The following MOBP variants were observed in gnomAD, a reference collection of about 807,000 sequenced individuals.
The protein encoded by MOBP is myelin-associated oligodendrocyte basic protein.
Under a neutral mutation model 15.0 loss-of-function variants are expected in MOBP, and 5 were observed. The observed-to-expected ratio is 0.33, with a 90% CI of 0.17 to 0.70. The LOEUF is 0.70. Among genes scored for constraint, MOBP ranks in the 30% least tolerant of loss-of-function variants. The probability of loss-of-function intolerance (pLI) is 0.67; values close to 1 mark genes in which losing one functional copy is unlikely to be tolerated. For synonymous variants in MOBP, 88 were observed against 99.0 expected (o/e 0.89, Z 0.66); for missense variants, 188 against 257.8 (o/e 0.73, Z 1.85).
At chr3:39,475,869 AC>A (rs887568072) in intron 1 of MOBP, among the ~76,000 whole-genome samples, 109 of 152,288 alleles carry the variant, frequency 7.2e-4, no homozygotes, top group African/African-American at 2.5e-3. Context: ...TGGACACTTT[AC>A]CAGTGTAGCC....
chr3:39,495,940 A>G (rs1034661946), intron 2 of MOBP, among the ~76,000 whole-genome samples: 37 of 151,944 alleles, frequency 2.4e-4, no homozygotes, highest in Admixed American at 7.9e-4. Flanking sequence ...TAGAATATAA[A>G]CTATAGAGAA....
chr3:39,506,776 G>A (rs2043053843), downstream of MOBP, among the ~76,000 whole-genome samples: 1 of 152,218 alleles, frequency 6.6e-6, no homozygotes, highest in Non-Finnish European at 1.5e-5. Flanking sequence ...CTGAGCACAA[G>A]AGTGGTAAGG....
intron 3 of MOBP, among the ~76,000 whole-genome samples, chr3:39,521,457 T>G (rs552627345): frequency 6.6e-6 from 1 of 152,312 alleles, no homozygotes; most frequent in Non-Finnish European, 1.5e-5. Flanking sequence ...CGTTTAAAGT[T>G]TTTTAAGGGA....
chr3:39,526,109 C>T (rs889812438), downstream of MOBP: 1 of 152,168 alleles, frequency 6.6e-6, no homozygotes, highest in Non-Finnish European at 1.5e-5. Context: ...CAGCCCAACC[C>T]ACACCAAATA....
At chr3:39,501,619 A>G (rs1359904054) in intron 2 of MOBP, among the ~76,000 whole-genome samples, 1 of 152,220 alleles carries the variant, frequency 6.6e-6, no homozygotes, top group Admixed American at 6.5e-5. Flanking sequence ...TCAGCAGGTC[A>G]GCAGTTTGTT....
intron 2 of MOBP, among the ~76,000 whole-genome samples, chr3:39,496,960 G>T (rs1296021823): frequency 6.6e-6 from 1 of 152,088 alleles, no homozygotes; most frequent in Non-Finnish European, 1.5e-5. Flanking sequence ...ACCTCGCCCG[G>T]CCTGGCTAAT....
In MOBP at chr3:39,490,928, T is replaced by G. The variant is rs149087742; in HGVS notation, c.-5+10805T>G. On this transcript the variant is annotated intron_variant, in intron 2 of 3. Transcript: ENST00000684792. ...GGTGATGGTGTGGGTTTTGAGAAAT[T>G]ACAGCCATGTACCGGAAGGAATTAG... Among the ~76,000 whole-genome samples, 187 of 152,290 alleles carry G rather than the reference T, an allele frequency of 1.2e-3. 1 individual carries two copies. Among genetic ancestry groups the G allele is most frequent in the Non-Finnish European group, 2.3e-3 (154 of 68,018 alleles).
intron 2 of MOBP, among the ~76,000 whole-genome samples, chr3:39,492,364 C>T (rs1223404059): frequency 1.3e-5 from 2 of 152,158 alleles, no homozygotes; most frequent in African/African-American, 2.4e-5. Context: ...CTCTTATCCA[C>T]CTTGAGAAGG....
At chr3:39,504,586 AGAG>A (rs1404833602), downstream of MOBP, among the ~76,000 whole-genome samples, 2 of 152,274 alleles carry the variant, frequency 1.3e-5, no homozygotes, top group East Asian at 3.8e-4. Flanking sequence ...ACCTGGGAAC[AGAG>A]GATCTGAAAG....
intron 2 of MOBP, among the ~76,000 whole-genome samples, chr3:39,482,360 C>T (rs1164150277): frequency 2.0e-5 from 3 of 152,106 alleles, no homozygotes; most frequent in African/African-American, 2.4e-5. Flanking sequence ...CTTACAAAAA[C>T]GCACCTCTGG....
At chr3:39,503,497 T>C (rs1424357768), downstream of MOBP, among the ~76,000 whole-genome samples, 1 of 151,406 alleles carries the variant, frequency 6.6e-6, no homozygotes, top group Non-Finnish European at 1.5e-5. Context: ...TTTCATAATA[T>C]GCATGTACAT....
In MOBP at chr3:39,502,428, G is replaced by T; in HGVS notation, c.207-107G>T. ...AGGCACTCCAGGGAGACTGGAAGGT[G>T]GGTGGGGGAGCAGGGCCTTCCTACC... On this transcript the variant is annotated intron_variant, in intron 3 of 3. Coordinates refer to ENST00000684792, the MANE Select transcript of MOBP (RefSeq NM_001393704.1). The surrounding 1 kb of genome is among the most constrained non-coding windows in gnomAD (Gnocchi z 6.3). The T allele has an allele frequency of 6.6e-7, 1 of 1,522,658 alleles. No homozygotes were observed. Among genetic ancestry groups the T allele is most frequent in the South Asian group, 1.2e-5 (1 of 80,890 alleles). 94.3% of individuals were successfully genotyped at this position (1,522,658 alleles called of 1,614,324 possible). A position where few individuals can be genotyped will look rare whatever the true frequency, so the allele number is the denominator to read the frequency against.
intron 2 of MOBP, among the ~76,000 whole-genome samples, chr3:39,486,106 G>T (rs2042704236): frequency 6.6e-6 from 1 of 152,090 alleles, no homozygotes; most frequent in South Asian, 2.1e-4. Context: ...TCTATGATTT[G>T]CTTTCCTCCT....
chr3:39,480,868 T>A (rs2042618467), intron 2 of MOBP, among the ~76,000 whole-genome samples: 1 of 152,244 alleles, frequency 6.6e-6, no homozygotes, highest in African/African-American at 2.4e-5. Context: ...AACTACTCCA[T>A]CAAGCAAACA....
intron 2 of MOBP, among the ~76,000 whole-genome samples, chr3:39,492,383 G>A (rs1260764706): frequency 6.6e-6 from 1 of 152,154 alleles, no homozygotes; most frequent in East Asian, 1.9e-4. Context: ...GGAAGAGAGG[G>A]AGGTGAGAAA....
chr3:39,528,207 C>T, downstream of MOBP: 1 of 152,202 alleles, frequency 6.6e-6, no homozygotes. Flanking sequence ...TATAAGGAGA[C>T]TTTATCTGTT....
chr3:39,522,221 T>G (rs964764007), intron 3 of MOBP, among the ~76,000 whole-genome samples: 2 of 152,194 alleles, frequency 1.3e-5, no homozygotes, highest in East Asian at 3.8e-4. Context: ...GAAGACAAAT[T>G]AAAAACAAAC....
At chr3:39,496,393 G>A (rs760576160) in intron 2 of MOBP, among the ~76,000 whole-genome samples, 29 of 151,596 alleles carry the variant, frequency 1.9e-4, no homozygotes, top group Admixed American at 1.2e-3. Flanking sequence ...TAGAGACGGG[G>A]TTTCACCGTG....
At chr3:39,477,776 A>C (rs1016473824) in intron 1 of MOBP, among the ~76,000 whole-genome samples, 9 of 151,896 alleles carry the variant, frequency 5.9e-5, no homozygotes, top group Admixed American at 6.6e-5. Context: ...GATATTGACT[A>C]TCTTGACCCT....
Sources: allele counts gnomAD v4.1 joint callset (sites outside exome capture counted in the v4.1 genomes callset), GRCh38; gene constraint gnomAD v4.1.1; non-coding constraint Gnocchi (gnomAD v3.1); transcripts MANE v1.5; gene names NCBI Gene and HGNC (gene_info 2026-07-23, HGNC 2026-07-21).